The following JAK1 variants were observed in gnomAD, a reference collection of about 807,000 sequenced individuals.
The protein encoded by JAK1 is tyrosine-protein kinase JAK1.
JAK1 carries 16 observed loss-of-function variants against 136.6 expected under a neutral mutation model. The ratio of observed to expected loss-of-function variants is 0.12; its 90% CI spans 0.08 to 0.18. The LOEUF is 0.18. Ranked by LOEUF, JAK1 falls within the 10% of genes least tolerant of loss-of-function variation. The pLI is 1.00. For synonymous variants in JAK1, 492 were observed against 519.5 expected (o/e 0.95, Z 0.72); for missense variants, 859 against 1,450.1 (o/e 0.59, Z 6.62).
At chr1:64,994,372 A>G (rs542419115) in intron 2 of JAK1, among the ~76,000 whole-genome samples, 1 of 152,380 alleles carries the variant, frequency 6.6e-6, no homozygotes, top group African/African-American at 2.4e-5. Context: ...CCCGGAAGGA[A>G]CATATCTTAG....
chr1:65,056,400 G>T (rs1569963581), intron 1 of JAK1, among the ~76,000 whole-genome samples: 1 of 152,178 alleles, frequency 6.6e-6, no homozygotes, highest in African/African-American at 2.4e-5. Context: ...GCAGAGGGAA[G>T]AGACACTAAA....
chr1:64,988,157 A>G (rs539316875), intron 2 of JAK1, among the ~76,000 whole-genome samples: 46 of 152,332 alleles, frequency 3.0e-4, no homozygotes, highest in African/African-American at 9.4e-4. Flanking sequence ...TATTTACACC[A>G]TGGAAACTGG....
Position 64,833,453 on chromosome 1 carries a change from T to TAAAG in JAK1, c.*1105_*1108dup, listed in dbSNP as rs1654257712. ...AAAAAGATTTTCAGACTCTTGGTCA[T>TAAAG]AAAGACCGTAATCGTTCACATTGAA... is the stretch of plus-strand genomic sequence containing the variant. On this transcript the variant is annotated 3_prime_UTR_variant, in exon 25 of 25. Transcript: ENST00000342505. 2 of 232,988 alleles carry TAAAG rather than the reference T, an allele frequency of 8.6e-6. No individual in the cohort carries two copies. The highest frequency in any genetic ancestry group is 5.6e-5 in the Admixed American group (1 of 17,766). 14.4% of individuals were successfully genotyped at this position (232,988 alleles called of 1,614,324 possible). A position where few individuals can be genotyped will look rare whatever the true frequency, so the allele number is the denominator to read the frequency against.
At chr1:64,837,709 T>C (rs1253057396) in intron 22 of JAK1, among the ~76,000 whole-genome samples, 1 of 152,214 alleles carries the variant, frequency 6.6e-6, no homozygotes, top group Non-Finnish European at 1.5e-5. Context: ...TGGAAGACGG[T>C]GTCATATGAA....
chr1:64,945,731 CTTT>C (rs35421858), intron 1 of JAK1, among the ~76,000 whole-genome samples: 6 of 148,182 alleles, frequency 4.0e-5, no homozygotes, highest in Non-Finnish European at 7.5e-5. Context: ...GGTTTGCTTT[CTTT>C]TTTTTTTTCT....
intron 1 of JAK1, among the ~76,000 whole-genome samples, chr1:64,911,376 G>GC (rs1645282811): frequency 6.6e-6 from 1 of 152,124 alleles, no homozygotes; most frequent in South Asian, 2.1e-4. Flanking sequence ...AACTGGGGCT[G>GC]CCCCAGGCAA....
chr1:64,877,276 G>A (rs1299304763), intron 4 of JAK1, among the ~76,000 whole-genome samples: 1 of 152,016 alleles, frequency 6.6e-6, no homozygotes, highest in East Asian at 1.9e-4. Flanking sequence ...AGATTATGAG[G>A]TTTCAAAATC....
intron 2 of JAK1, among the ~76,000 whole-genome samples, chr1:64,994,490 GCTGCATCTTA>G (rs1646685768): frequency 6.6e-6 from 1 of 152,116 alleles, no homozygotes; most frequent in African/African-American, 2.4e-5. Context: ...GGGCTCTTCT[GCTGCATCTTA>G]CCATGACAGA....
chr1:65,056,480 A>C (rs1647544758), intron 1 of JAK1, among the ~76,000 whole-genome samples: 1 of 152,230 alleles, frequency 6.6e-6, no homozygotes, highest in Admixed American at 6.5e-5. Context: ...ATGAAGGATA[A>C]GAAAGAACCT....
At chr1:64,890,377 A>G (rs1644917118) in intron 1 of JAK1, among the ~76,000 whole-genome samples, 1 of 152,236 alleles carries the variant, frequency 6.6e-6, no homozygotes, top group Non-Finnish European at 1.5e-5. Context: ...AATGAAAAAA[A>G]GCACAGTAAT....
chr1:65,042,514 A>G (rs546253421), intron 2 of JAK1, among the ~76,000 whole-genome samples: 2 of 152,150 alleles, frequency 1.3e-5, no homozygotes, highest in Non-Finnish European at 2.9e-5. Context: ...ATGTTACATC[A>G]GGTGACTTGG....
At chr1:64,870,701 A>G (rs1185069242) in intron 5 of JAK1, among the ~76,000 whole-genome samples, 2 of 152,110 alleles carry the variant, frequency 1.3e-5, no homozygotes, top group Non-Finnish European at 2.9e-5. Flanking sequence ...GTTCCTGCAT[A>G]TGTGAGATGC....
intron 1 of JAK1, among the ~76,000 whole-genome samples, chr1:65,048,411 G>C (rs1647209245): frequency 6.6e-6 from 1 of 152,136 alleles, no homozygotes; most frequent in Non-Finnish European, 1.5e-5. Context: ...AATGTGCTCA[G>C]GATGAAAAAA....
chr1:65,028,168 T>C (rs1218448173), intron 2 of JAK1, among the ~76,000 whole-genome samples: 1 of 152,108 alleles, frequency 6.6e-6, no homozygotes, highest in African/African-American at 2.4e-5. Context: ...AATAACTCAA[T>C]GCCTCATCTC....
Position 65,060,364 on chromosome 1 carries a change from T to C in JAK1, c.-181+7240A>G, listed in dbSNP as rs370105802. On this transcript the variant is annotated intron_variant, in intron 1 of 25. Transcript: ENST00000671954. Reference sequence around the variant, plus strand: ...AATACTTACCCTGAAACACTGAAGGTTGGGTAAGTATGGAGACAAATAAAT... The same window carrying C: ...AATACTTACCCTGAAACACTGAAGGCTGGGTAAGTATGGAGACAAATAAAT... 1.6e-4 allele frequency among the ~76,000 whole-genome samples: 25 copies of C among 152,220 alleles called. 1 individual carries two copies. The highest frequency in any genetic ancestry group is 3.3e-4 in the Admixed American group (5 of 15,298).
In JAK1 at chr1:64,835,413, G is replaced by C. The variant is rs755510930; in HGVS notation, c.3352C>G (p.Pro1118Ala). Residue 1118 changes from proline (P) to alanine (A), a missense_variant, in exon 24 of 25, where the codon CCT becomes GCT. Coordinates refer to ENST00000342505, the MANE Select transcript of JAK1 (RefSeq NM_002227.4). Reference protein sequence around the residue: ...LKEGKRLPCPPNCPDEVYQLM... With the variant: ...LKEGKRLPCPANCPDEVYQLM... ...ATAGATACCTCATCTGGACAGTTAG[G>C]TGGGCACGGCAGGCGTTTTCCTTCT... 4 of 1,600,950 alleles carry C rather than the reference G, an allele frequency of 2.5e-6. No homozygotes were observed. Among genetic ancestry groups the C allele is most frequent in the Non-Finnish European group, 3.4e-6 (4 of 1,172,278 alleles).
At chr1:65,044,400 T>C (rs1647164933) in intron 2 of JAK1, among the ~76,000 whole-genome samples, 1 of 152,230 alleles carries the variant, frequency 6.6e-6, no homozygotes, top group Non-Finnish European at 1.5e-5. Context: ...TCTGAGCTTA[T>C]TGTCTACCTT....
chr1:64,989,533 T>G (rs1336914269), intron 2 of JAK1: 1 of 152,038 alleles, frequency 6.6e-6, no homozygotes, highest in African/African-American at 2.4e-5. Context: ...CAAATTATTG[T>G]GTAGATCGGT....
chr1:64,874,860 T>C (rs1380487078), intron 4 of JAK1, among the ~76,000 whole-genome samples: 4 of 152,132 alleles, frequency 2.6e-5, no homozygotes, highest in African/African-American at 9.7e-5. Flanking sequence ...GGGCCTGAGA[T>C]GTGGAGGGCT....
Sources: allele counts gnomAD v4.1 joint callset (sites outside exome capture counted in the v4.1 genomes callset), GRCh38; gene constraint gnomAD v4.1.1; transcripts MANE v1.5; gene names NCBI Gene and HGNC (gene_info 2026-07-23, HGNC 2026-07-21).